The following TSPEAR variants were observed in gnomAD, a reference collection of about 807,000 sequenced individuals.
The protein encoded by TSPEAR is thrombospondin-type laminin G domain and EAR repeat-containing protein.
Under a neutral mutation model 71.6 loss-of-function variants are expected in TSPEAR, and 69 were observed. That is an observed-to-expected ratio of 0.96 (90% confidence interval 0.79 to 1.18). The LOEUF (loss-of-function observed/expected upper bound fraction) is 1.18, where lower values mean the gene tolerates loss of function less well. Ranked by LOEUF, TSPEAR falls within the 50% of genes most tolerant of loss-of-function variation. The pLI is 0.00. For synonymous variants in TSPEAR, 402 were observed against 387.2 expected, an observed-to-expected ratio of 1.04 and a Z score of -0.45; for missense variants, 971 against 894.9, an observed-to-expected ratio of 1.09 and a Z score of -1.09.
chr21:44,587,137 AC>A lies in TSPEAR; in HGVS notation c.83-19133del, dbSNP rs587691797. On this transcript the variant is annotated intron_variant, in intron 1 of 11. Transcript: ENST00000323084. Reference sequence around the variant, plus strand: ...GATGATATGATCGTACACCTAGAAAACCCCAAAGATTCCTACAAAAAGCTCC... The same window carrying A: ...GATGATATGATCGTACACCTAGAAAACCCAAAGATTCCTACAAAAAGCTCC... 3.1e-3 allele frequency among the ~76,000 whole-genome samples: 468 copies of A among 152,238 alleles called. 2 individuals are homozygous for A. Among genetic ancestry groups the A allele is most frequent in the African/African-American group, 0.011 (438 of 41,508 alleles).
intron 1 of TSPEAR, among the ~76,000 whole-genome samples, chr21:44,655,841 G>A (rs1485305977): frequency 1.3e-5 from 2 of 152,182 alleles, no homozygotes; most frequent in African/African-American, 4.8e-5. Context: ...GCAGCTCCCA[G>A]GGGCACCCTC....
Position 44,567,950 on chromosome 21 carries a change from G to C in TSPEAR, c.138C>G (p.Ser46Arg). Reference protein sequence around the residue: ...AEVVPSDGATSGIRIVQVHGA... With the variant: ...AEVVPSDGATRGIRIVQVHGA... The stretch of plus-strand genomic sequence containing the variant: ...CGTGAACCTGAACTATCCTGATCCC[G>C]CTTGTGGCGCCATCAGAAGGGACCA... Residue 46 changes from serine to arginine, a missense_variant, in exon 2 of 12, where the codon AGC becomes AGG. Coordinates refer to ENST00000323084, the MANE Select transcript of TSPEAR (RefSeq NM_144991.3). 1 of 1,579,198 alleles carries C rather than the reference G, an allele frequency of 6.3e-7. No homozygotes were observed. Among genetic ancestry groups the C allele is most frequent in the Non-Finnish European group, 8.6e-7 (1 of 1,158,090 alleles).
rs1279806791 is a variant in TSPEAR at position 44,623,444 on chromosome 21, A to T, written c.83-55439T>A. 6.6e-6 allele frequency among the ~76,000 whole-genome samples: 1 copy of T among 152,222 alleles called. No homozygotes were observed. The highest frequency in any genetic ancestry group is 1.9e-4 in the East Asian group (1 of 5,202). Reference sequence around the variant, plus strand: ...TTCTTGCCATGTATTTCATTTCTATAAATATTTTACAACTTCTAAGACATC... The same window carrying T: ...TTCTTGCCATGTATTTCATTTCTATTAATATTTTACAACTTCTAAGACATC... On this transcript the variant is annotated intron_variant, in intron 1 of 11. Coordinates refer to ENST00000323084, the MANE Select transcript of TSPEAR (RefSeq NM_144991.3). The surrounding 1 kb of genome is among the most constrained non-coding windows in gnomAD (Gnocchi z 4.5).
intron 1 of TSPEAR, among the ~76,000 whole-genome samples, chr21:44,616,205 A>G (rs1187635717): frequency 6.6e-6 from 1 of 152,206 alleles, no homozygotes; most frequent in Non-Finnish European, 1.5e-5. Flanking sequence ...GCTGCCCCAG[A>G]TCCCTGCCAG....
chr21:44,678,874 G>A (rs782667859), intron 1 of TSPEAR, among the ~76,000 whole-genome samples: 1 of 152,078 alleles, frequency 6.6e-6, no homozygotes, highest in Non-Finnish European at 1.5e-5. Context: ...ATCCATGAAG[G>A]CTAAAACAAC....
intron 1 of TSPEAR, chr21:44,702,242 C>A: frequency 6.2e-7 from 1 of 1,602,934 alleles, no homozygotes. Context: ...TCCACCAACT[C>A]CTGGCAGGTG....
At chr21:44,576,560 C>G (rs1978468828) in intron 1 of TSPEAR, among the ~76,000 whole-genome samples, 1 of 152,174 alleles carries the variant, frequency 6.6e-6, no homozygotes, top group Admixed American at 6.5e-5. Flanking sequence ...TTCAGCAACA[C>G]AACTCAATGT....
At chr21:44,617,975 C>A (rs587760194) in intron 1 of TSPEAR, among the ~76,000 whole-genome samples, 85 of 152,216 alleles carry the variant, frequency 5.6e-4, no homozygotes, top group Non-Finnish European at 1.9e-4. Context: ...AAAGAGTGTC[C>A]AAACTGTGCC....
intron 1 of TSPEAR, among the ~76,000 whole-genome samples, chr21:44,670,363 A>G (rs868978979): frequency 3.3e-5 from 5 of 151,856 alleles, no homozygotes; most frequent in Non-Finnish European, 5.9e-5. Flanking sequence ...CAAAGAACCC[A>G]AAAGAGTGAG....
At chr21:44,534,887 G>A (rs976730641) in intron 2 of TSPEAR, among the ~76,000 whole-genome samples, 70 of 152,328 alleles carry the variant, frequency 4.6e-4, no homozygotes, top group African/African-American at 1.5e-3. Flanking sequence ...GTCCACGAAC[G>A]GATGGATGGG....
At chr21:44,562,371 A>T (rs2053649276) in intron 2 of TSPEAR, among the ~76,000 whole-genome samples, 1 of 152,234 alleles carries the variant, frequency 6.6e-6, no homozygotes, top group South Asian at 2.1e-4. Context: ...CCTCATGGAT[A>T]GGAAGAATCG....
intron 1 of TSPEAR, among the ~76,000 whole-genome samples, chr21:44,629,940 G>A (rs1983160050): frequency 6.6e-6 from 1 of 152,222 alleles, no homozygotes; most frequent in African/African-American, 2.4e-5. Context: ...AGGCCACACA[G>A]GGATGGGTGC....
At chr21:44,627,695 C>T (rs587764735) in intron 1 of TSPEAR, 1 of 1,603,790 alleles carries the variant, frequency 6.2e-7, no homozygotes, top group Non-Finnish European at 8.5e-7. Flanking sequence ...TGCTGCACTT[C>T]CTCCCCCTGC....
chr21:44,601,205 C>T (rs781827183), intron 1 of TSPEAR: 1 of 1,603,504 alleles, frequency 6.2e-7, no homozygotes, highest in Non-Finnish European at 8.5e-7. Flanking sequence ...GAGCCCAGCC[C>T]CTGCCAATCA....
intron 1 of TSPEAR, among the ~76,000 whole-genome samples, chr21:44,659,853 C>T (rs1555943334): frequency 1.3e-5 from 2 of 152,148 alleles, no homozygotes; most frequent in African/African-American, 4.8e-5. Flanking sequence ...TTTACAATAA[C>T]TATAATGAAT....
chr21:44,539,884 G>A, intron 2 of TSPEAR: 2 of 1,578,816 alleles, frequency 1.3e-6, no homozygotes, highest in Non-Finnish European at 1.7e-6. Context: ...AGGAGGTGCA[G>A]CAAGCCGGCT....
At chr21:44,600,676 G>T (rs587669788) in intron 1 of TSPEAR, 4 of 1,612,618 alleles carry the variant, frequency 2.5e-6, no homozygotes, top group East Asian at 4.5e-5. Context: ...CGGCAGCCGC[G>T]TCTGCCTTCC....
At chr21:44,638,001 A>G (rs782414251) in intron 1 of TSPEAR, 16 of 1,612,280 alleles carry the variant, frequency 9.9e-6, no homozygotes, top group East Asian at 4.5e-5. Context: ...CTCCTCTGCC[A>G]CCCTGTGTGC....
chr21:44,545,876 C>G (rs1184989292), intron 2 of TSPEAR, among the ~76,000 whole-genome samples: 29 of 151,984 alleles, frequency 1.9e-4, no homozygotes, highest in African/African-American at 7.0e-4. Context: ...AAACTGAATC[C>G]AAATTTAGCA....
Sources: allele counts gnomAD v4.1 joint callset (sites outside exome capture counted in the v4.1 genomes callset), GRCh38; gene constraint gnomAD v4.1.1; non-coding constraint Gnocchi (gnomAD v3.1); transcripts MANE v1.5; gene names NCBI Gene and HGNC (gene_info 2026-07-23, HGNC 2026-07-21).